The following HARS1 variants were observed in gnomAD, a reference collection of about 807,000 sequenced individuals.
HARS1 encodes the protein histidine--tRNA ligase, cytoplasmic.
A neutral mutation model predicts 63.6 loss-of-function variants in HARS1; 45 were observed. The observed-to-expected ratio is 0.71, with a 90% CI of 0.56 to 0.91. The LOEUF (loss-of-function observed/expected upper bound fraction) is 0.91. HARS1 is among the 40% of genes least tolerant of loss of function. HARS1 has a pLI of 0.00. For synonymous variants in HARS1, 205 were observed against 247.1 expected (o/e 0.83, Z 1.60); for missense variants, 508 against 643.2 (o/e 0.79, Z 2.27).
In HARS1 at chr5:140,679,025, G is replaced by A. The variant is rs1042437427; in HGVS notation, c.499C>T (p.Arg167Ter). Residue 167 changes from arginine (R) to a stop codon, truncating the protein, a stop_gained, in exon 5 of 13, where the codon CGA becomes TGA. Transcript: ENST00000504156. LOFTEE classifies it high-confidence loss of function. The surrounding 1 kb of genome is among the most constrained non-coding windows in gnomAD (Gnocchi z 4.3). ...ACACACTGGTAGAATTCCCGGTATC[G>A]GCCACGGGTCATGGCTGGGTTATCC... ...RRDNPAMTRG[R>*]YREFYQCDFD... The A allele has an allele frequency of 1.2e-6, 2 of 1,614,004 alleles. No homozygotes were observed. Among genetic ancestry groups the A allele is most frequent in the Non-Finnish European group, 1.7e-6 (2 of 1,179,940 alleles).
chr5:140,679,952 A>T lies in HARS1; in HGVS notation c.301-69T>A, dbSNP rs1758620221. 1.2e-6 allele frequency: 1 copy of T among 843,252 alleles called. No individual in the cohort carries two copies. Among genetic ancestry groups the T allele is most frequent in the Non-Finnish European group, 2.0e-6 (1 of 505,680 alleles). 52.2% of individuals were successfully genotyped at this position (843,252 alleles called of 1,614,324 possible). On this transcript the variant is annotated intron_variant, in intron 3 of 12. Transcript: ENST00000504156. The surrounding 1 kb of genome is among the most constrained non-coding windows in gnomAD (Gnocchi z 4.3). Reference sequence around the variant, plus strand: ...CAATTTAAAAGGAAGTTTTGAAAACAAACATGACTGATTCCAACTTGTCTA... The same window carrying T: ...CAATTTAAAAGGAAGTTTTGAAAACTAACATGACTGATTCCAACTTGTCTA...
chr5:140,678,611 G>A (rs375363620), intron 5 of HARS1: 122 of 165,846 alleles, frequency 7.4e-4, no homozygotes, highest in Non-Finnish European at 1.1e-3. Flanking sequence ...TTGGGAGGCC[G>A]AGGCAGGCGG....
chr5:140,688,354 A>T (rs1344300948), intron 2 of HARS1, among the ~76,000 whole-genome samples: 1 of 152,064 alleles, frequency 6.6e-6, no homozygotes, highest in African/African-American at 2.4e-5. Context: ...ACAACCATTA[A>T]CATCTGCTAT....
intron 3 of HARS1, among the ~76,000 whole-genome samples, chr5:140,680,517 C>T (rs190989313): frequency 6.6e-6 from 1 of 152,106 alleles, no homozygotes; most frequent in African/African-American, 2.4e-5. Context: ...TCATGTTATA[C>T]TGTTAGGTGT....
intron 2 of HARS1, among the ~76,000 whole-genome samples, chr5:140,688,298 T>C (rs553566789): frequency 6.6e-6 from 1 of 152,284 alleles, no homozygotes; most frequent in East Asian, 1.9e-4. Flanking sequence ...AGACACAATA[T>C]AGAGAATAGT....
rs975065179 is a variant in HARS1 at position 140,679,418 on chromosome 5, A to C, written c.397-291T>G. The stretch of plus-strand genomic sequence containing the variant: ...AGACCAGAAAAAGGCGACCAGAAAA[A>C]GGCCCCCATATGGGATTTCTAAGCA... On this transcript the variant is annotated intron_variant, in intron 4 of 12. Coordinates refer to ENST00000504156, the MANE Select transcript of HARS1 (RefSeq NM_002109.6). The surrounding 1 kb of genome is among the most constrained non-coding windows in gnomAD (Gnocchi z 4.3). 5 of 403,920 alleles carry C rather than the reference A, an allele frequency of 1.2e-5. No individual in the cohort carries two copies. The highest frequency in any genetic ancestry group is 2.2e-5 in the Non-Finnish European group (5 of 225,766). 25.0% of individuals were successfully genotyped at this position (403,920 alleles called of 1,614,324 possible).
rs780815128 is a variant in HARS1 at position 140,676,900 on chromosome 5, T to C, written c.952-4A>G. ...CAAGGCTCAGGTCAAAGGAGATCTG[T>C]GGAGATAAGAAAATGGTCAGTGCCA... On this transcript the variant is annotated splice_polypyrimidine_tract_variant and splice_region_variant and intron_variant, in intron 9 of 12. Transcript: ENST00000504156. This position sits in a 1 kb window ranked among gnomAD's most constrained non-coding sequence, Gnocchi z 4.1. 1.9e-6 allele frequency: 3 copies of C among 1,612,780 alleles called. No homozygotes were observed. Among genetic ancestry groups the C allele is most frequent in the Admixed American group, 1.7e-5 (1 of 59,946 alleles).
At chr5:140,680,966 CAT>C (rs1758695512) in intron 3 of HARS1, among the ~76,000 whole-genome samples, 1 of 151,458 alleles carries the variant, frequency 6.6e-6, no homozygotes, top group Non-Finnish European at 1.5e-5. Flanking sequence ...GACCAATAAA[CAT>C]AAATGTTTTT....
chr5:140,675,206 AT>A, intron 10 of HARS1, 73 bp from the exon 11 acceptor site: 1 of 976,970 alleles, frequency 1.0e-6, no homozygotes, highest in Non-Finnish European at 1.6e-6. Context: ...TCTAGTCGGG[AT>A]TTTGAGACCA....
At chr5:140,674,657 C>T in intron 12 of HARS1, 22 bp downstream of exon 12, 1 of 1,613,982 alleles carries the variant, frequency 6.2e-7, no homozygotes, top group Non-Finnish European at 8.5e-7. Flanking sequence ...TGTCCCTTAG[C>T]CTTCCTGCCC....
intron 2 of HARS1, among the ~76,000 whole-genome samples, chr5:140,690,177 T>G (rs1759297060): frequency 6.6e-6 from 1 of 152,144 alleles, no homozygotes; most frequent in South Asian, 2.1e-4. Context: ...GGTGGCCGGG[T>G]GCGGTGGCAC....
chr5:140,690,949 G>A lies in HARS1; in HGVS notation c.91-5C>T. 1 of 1,565,472 alleles carries A rather than the reference G, an allele frequency of 6.4e-7. No homozygotes were observed. Among genetic ancestry groups the A allele is most frequent in the East Asian group, 2.2e-5 (1 of 44,620 alleles). ...TTTCGCCACCTCCTCCTCGATCTGT[G>A]GAGGGAAAGAAGGCGCTGAGCTATC... is the stretch of plus-strand genomic sequence containing the variant. On this transcript the variant is annotated splice_polypyrimidine_tract_variant and splice_region_variant and intron_variant, in intron 1 of 12. Coordinates refer to ENST00000504156, the MANE Select transcript of HARS1 (RefSeq NM_002109.6).
chr5:140,679,261 A>G lies in HARS1; in HGVS notation c.397-134T>C, dbSNP rs879558420. 6.7e-6 allele frequency: 5 copies of G among 748,774 alleles called. No homozygotes were observed. Among genetic ancestry groups the G allele is most frequent in the Non-Finnish European group, 1.1e-5 (5 of 447,136 alleles). The allele number at this position is 748,774 out of a possible 1,614,324, so 46.4% of individuals were successfully genotyped here. On this transcript the variant is annotated intron_variant, in intron 4 of 12. Coordinates refer to ENST00000504156, the MANE Select transcript of HARS1 (RefSeq NM_002109.6). The surrounding 1 kb of genome is among the most constrained non-coding windows in gnomAD (Gnocchi z 4.3). ...CACCCATAAGATTAATAGCACTTAC[A>G]AACATCAGAAAGCATCAGCTGTGCT...
rs965459920 is a variant in HARS1 at position 140,673,924 on chromosome 5, A to G, written c.*333T>C. 7.2e-6 allele frequency: 4 copies of G among 555,902 alleles called. No individual in the cohort carries two copies. In the African/African-American group the frequency reaches 7.6e-5, roughly 10 times the overall value. 34.4% of individuals were successfully genotyped at this position (555,902 alleles called of 1,614,324 possible). ...GCAGACTCCGTGGTTGAGGCATTTT[A>G]TTGGACCTTTGGCAATTGGTGGTGG... is the stretch of plus-strand genomic sequence containing the variant. On this transcript the variant is annotated 3_prime_UTR_variant, in exon 13 of 13. Transcript: ENST00000504156.
At chr5:140,684,393 C>G (rs1562020664) in intron 2 of HARS1, 1 of 984,010 alleles carries the variant, frequency 1.0e-6, no homozygotes, top group Non-Finnish European at 1.2e-6. Context: ...CAAACTGGCT[C>G]AACTAATTGA....
chr5:140,690,994 TC>T, intron 1 of HARS1, 50 bp from the exon 2 acceptor site: 1 of 1,092,128 alleles, frequency 9.2e-7, no homozygotes, highest in Non-Finnish European at 1.4e-6. Flanking sequence ...CTCTCCTCCC[TC>T]CCCCGCCATT....
intron 2 of HARS1, among the ~76,000 whole-genome samples, 167 bp downstream of exon 2, chr5:140,690,687 CA>C (rs1416728171): frequency 6.6e-6 from 1 of 152,180 alleles, no homozygotes; most frequent in African/African-American, 2.4e-5. Context: ...TTTGCCATCC[CA>C]GAATGACTCA....
At chr5:140,686,705 A>AT (rs1299472788) in intron 2 of HARS1, among the ~76,000 whole-genome samples, 3 of 150,780 alleles carry the variant, frequency 2.0e-5, no homozygotes, top group African/African-American at 7.3e-5. Context: ...GGTTCAAGCG[A>AT]TTCTTGTGCC....
At chr5:140,690,168 G>A (rs889907108) in intron 2 of HARS1, among the ~76,000 whole-genome samples, 1 of 152,188 alleles carries the variant, frequency 6.6e-6, no homozygotes, top group South Asian at 2.1e-4. Context: ...ACCACATGTG[G>A]TGGCCGGGTG....
Sources: allele counts gnomAD v4.1 joint callset (sites outside exome capture counted in the v4.1 genomes callset), GRCh38; gene constraint gnomAD v4.1.1; non-coding constraint Gnocchi (gnomAD v3.1); transcripts MANE v1.5; gene names NCBI Gene and HGNC (gene_info 2026-07-23, HGNC 2026-07-21).